LPXN: variants seen among roughly 807,000 people sequenced by gnomAD.
LPXN encodes the protein leupaxin.
In LPXN, 28 loss-of-function variants were observed where a neutral mutation model predicts 45.6. That is an observed-to-expected ratio of 0.61 (90% CI 0.45 to 0.84). The LOEUF (loss-of-function observed/expected upper bound fraction) is 0.84. LPXN is among the 40% of genes least tolerant of loss of function. The pLI, the probability that LPXN is intolerant of heterozygous loss-of-function variation, is 0.00. For synonymous variants in LPXN, 166 were observed against 169.9 expected (o/e 0.98, Z 0.18); for missense variants, 459 against 475.0 (o/e 0.97, Z 0.31).
chr11:58,539,529 A>G (rs534302565), intron 7 of LPXN, among the ~76,000 whole-genome samples: 1 of 152,336 alleles, frequency 6.6e-6, no homozygotes, highest in East Asian at 1.9e-4. Flanking sequence ...TACTGGGATC[A>G]TATCAGAAAG....
upstream of LPXN, among the ~76,000 whole-genome samples, chr11:58,576,205 GAC>G (rs1401619266): frequency 6.6e-6 from 1 of 151,612 alleles, no homozygotes; most frequent in African/African-American, 2.4e-5. Flanking sequence ...GAAGCTGGGA[GAC>G]ACAGAGGCAT....
At chr11:58,547,125 T>C (rs915157886) in intron 7 of LPXN, among the ~76,000 whole-genome samples, 30 of 152,184 alleles carry the variant, frequency 2.0e-4, no homozygotes, top group Non-Finnish European at 3.8e-4. Context: ...TGAGTCTGGC[T>C]GAAAGAGCCT....
At chr11:58,571,342 AAAATAAATAAATAAAT>A (rs59215664) in intron 1 of LPXN, among the ~76,000 whole-genome samples, 13 of 146,990 alleles carry the variant, frequency 8.8e-5, no homozygotes, top group African/African-American at 2.0e-4. Flanking sequence ...CCTGTCTCAA[AAAATAAATAAATAAAT>A]AAATAAATAA....
intron 7 of LPXN, among the ~76,000 whole-genome samples, chr11:58,543,341 A>G (rs1390178849): frequency 2.0e-5 from 3 of 152,198 alleles, no homozygotes; most frequent in Non-Finnish European, 4.4e-5. Flanking sequence ...GCTCCCGAGT[A>G]TATTGCAATT....
intron 7 of LPXN, among the ~76,000 whole-genome samples, chr11:58,535,603 C>G (rs1853527112): frequency 6.6e-6 from 1 of 152,166 alleles, no homozygotes; most frequent in Non-Finnish European, 1.5e-5. Flanking sequence ...CCTTTGAAAA[C>G]TGGCACAAGA....
At chr11:58,551,342 C>A in intron 4 of LPXN, 110 bp from the exon 5 acceptor site, 2 of 836,184 alleles carry the variant, frequency 2.4e-6, no homozygotes, top group South Asian at 4.5e-5. Flanking sequence ...TGGCCTTTCC[C>A]CAACCTTCCT....
At chr11:58,555,353 C>A (rs550059763) in intron 3 of LPXN, among the ~76,000 whole-genome samples, 1 of 152,174 alleles carries the variant, frequency 6.6e-6, no homozygotes, top group South Asian at 2.1e-4. Context: ...AAAAGCCTAA[C>A]AAACTTACTA....
At chr11:58,551,022 G>C in intron 5 of LPXN, 43 bp downstream of exon 5, 1 of 1,496,900 alleles carries the variant, frequency 6.7e-7, no homozygotes, top group Middle Eastern at 2.2e-4. Flanking sequence ...GAGACAGAGA[G>C]AGACAAAGAA....
chr11:58,527,475 G>C lies in LPXN; in HGVS notation c.1140C>G (p.Phe380Leu). ...GGCATTACAGTGGGAAGAGCTTATT[G>C]AAGCAAGGTTGACAATAGGTCTTGT... ...QNDKTYCQPCFNKLFPL is the reference protein window; with the variant it reads ...QNDKTYCQPCLNKLFPL Residue 380 changes from phenylalanine to leucine, a missense_variant, in exon 9 of 9, where the codon TTC becomes TTG. By Grantham distance (22) the Phe-to-Leu change is conservative (BLOSUM62 0). Transcript: ENST00000395074. 6.2e-7 allele frequency: 1 copy of C among 1,614,184 alleles called. No homozygotes were observed. Among genetic ancestry groups the C allele is most frequent in the South Asian group, 1.1e-5 (1 of 91,076 alleles).
intron 7 of LPXN, among the ~76,000 whole-genome samples, chr11:58,532,016 C>T (rs558266039): frequency 1.3e-5 from 2 of 152,340 alleles, no homozygotes; most frequent in African/African-American, 2.4e-5. Flanking sequence ...TCGGGTAGCA[C>T]GGGATCAGCA....
chr11:58,542,486 A>G (rs552827910), intron 7 of LPXN, among the ~76,000 whole-genome samples: 102 of 151,924 alleles, frequency 6.7e-4, no homozygotes, highest in Middle Eastern at 3.5e-3. Context: ...AAGTCCTAGG[A>G]ATTAATTAAT....
upstream of LPXN, chr11:58,576,031 G>T: frequency 8.9e-7 from 1 of 1,121,242 alleles, no homozygotes; most frequent in Non-Finnish European, 1.2e-6. Context: ...CAGTGCATTG[G>T]CCAGGGTGAT....
intron 7 of LPXN, among the ~76,000 whole-genome samples, chr11:58,533,951 A>C (rs998062674): frequency 2.0e-5 from 3 of 152,230 alleles, no homozygotes; most frequent in Admixed American, 1.3e-4. Flanking sequence ...TGGTAAAGGG[A>C]TTAATGCAAC....
At chr11:58,570,011 A>G (rs1436656435) in intron 2 of LPXN, among the ~76,000 whole-genome samples, 1 of 150,906 alleles carries the variant, frequency 6.6e-6, no homozygotes, top group African/African-American at 2.4e-5. Flanking sequence ...ATTAGAAAAA[A>G]TGTAGTTCTC....
intron 3 of LPXN, among the ~76,000 whole-genome samples, chr11:58,558,326 C>T (rs1425007545): frequency 6.6e-6 from 1 of 151,316 alleles, no homozygotes; most frequent in Non-Finnish European, 1.5e-5. Flanking sequence ...CTGCTTGAAC[C>T]CAGGAGTTTA....
intron 7 of LPXN, among the ~76,000 whole-genome samples, chr11:58,545,502 G>A (rs1018309378): frequency 3.9e-5 from 6 of 152,192 alleles, no homozygotes; most frequent in Non-Finnish European, 8.8e-5. Flanking sequence ...TTTGGATTAA[G>A]TGTCAATGAA....
chr11:58,528,015 A>G lies in LPXN; in HGVS notation c.891+28T>C, dbSNP rs760554442. 19 of 1,600,678 alleles carry G rather than the reference A, an allele frequency of 1.2e-5. No individual in the cohort carries two copies. The South Asian group carries it at 1.8e-4, about 15-fold the overall frequency. ...AGAGGAGAACCCTTGACTTTCCCTA[A>G]GTCCGAAAGAAAAGTGATTATACAG... On this transcript the variant is annotated intron_variant, in intron 8 of 8. Coordinates refer to ENST00000395074, the MANE Select transcript of LPXN (RefSeq NM_004811.3).
At chr11:58,569,083 T>C in intron 2 of LPXN, among the ~76,000 whole-genome samples, 1 of 152,202 alleles carries the variant, frequency 6.6e-6, no homozygotes, top group African/African-American at 2.4e-5. Context: ...TAAAATTGTG[T>C]ATGTGTCTGG....
intron 4 of LPXN, among the ~76,000 whole-genome samples, chr11:58,552,395 C>T (rs1291699383): frequency 2.0e-5 from 3 of 152,058 alleles, no homozygotes; most frequent in East Asian, 3.9e-4. Context: ...TCCAGCTGGG[C>T]GACTGCTACC....
Sources: gnomAD v4.1 joint callset for allele counts (sites outside exome capture counted in the v4.1 genomes callset) on GRCh38, gnomAD v4.1.1 for gene constraint, MANE v1.5 for transcripts, NCBI Gene and HGNC (gene_info 2026-07-23, HGNC 2026-07-21) for gene names.